The following EPHB1 variants were observed in gnomAD, a reference collection of about 807,000 sequenced individuals.
EPHB1 encodes the protein EPH receptor B1.
Under a neutral mutation model 94.4 loss-of-function variants are expected in EPHB1, and 30 were observed. That is an observed-to-expected ratio of 0.32 (90% CI 0.24 to 0.43). EPHB1 has a LOEUF of 0.43. Among genes scored for constraint, EPHB1 ranks in the 20% least tolerant of loss-of-function variants. The pLI is 1.00. For missense variants in EPHB1, 1,055 were observed against 1,308.3 expected (o/e 0.81, Z 2.99); for synonymous variants, 522 against 489.1 (o/e 1.07, Z -0.89).
intron 2 of EPHB1, among the ~76,000 whole-genome samples, chr3:134,943,976 C>T (rs2039171086): frequency 6.6e-6 from 1 of 152,132 alleles, no homozygotes; most frequent in Admixed American, 6.5e-5. Context: ...GCAATAAATT[C>T]ACTCATTTTA....
intron 3 of EPHB1, among the ~76,000 whole-genome samples, chr3:135,097,060 C>T (rs542196729): frequency 1.6e-4 from 22 of 141,206 alleles, no homozygotes; most frequent in South Asian, 8.9e-4. Context: ...CATGCCACTG[C>T]ACTCCAGCCT....
At chr3:134,863,665 A>C (rs1481173497) in intron 1 of EPHB1, among the ~76,000 whole-genome samples, 1 of 152,144 alleles carries the variant, frequency 6.6e-6, no homozygotes, top group Non-Finnish European at 1.5e-5. Flanking sequence ...GAAATTCAAC[A>C]TTTTTTCATT....
chr3:135,174,065 T>A (rs4894253), intron 9 of EPHB1, among the ~76,000 whole-genome samples: 94,101 of 152,006 alleles, frequency 0.62, 29,186 homozygotes, highest in East Asian at 0.71. Context: ...CACCTGAATT[T>A]GTATTACATA....
intron 1 of EPHB1, among the ~76,000 whole-genome samples, chr3:134,843,406 T>A (rs2036812778): frequency 6.6e-6 from 1 of 152,244 alleles, no homozygotes; most frequent in Non-Finnish European, 1.5e-5. Context: ...TTTTTGGACT[T>A]GTGCAGATTG....
intron 2 of EPHB1, among the ~76,000 whole-genome samples, chr3:134,927,977 T>G (rs1368968483): frequency 1.3e-5 from 2 of 152,208 alleles, no homozygotes; most frequent in South Asian, 2.1e-4. Flanking sequence ...CTTGTCTGTT[T>G]CCTCTGTGCT....
At chr3:135,033,589 G>A (rs563423596) in intron 3 of EPHB1, among the ~76,000 whole-genome samples, 1 of 152,320 alleles carries the variant, frequency 6.6e-6, no homozygotes, top group African/African-American at 2.4e-5. Flanking sequence ...GCTGTGCACA[G>A]GCATAGCACT....
rs561694276 is a variant in EPHB1 at position 135,249,141 on chromosome 3, G to C, written c.2691-195G>C. On this transcript the variant is annotated intron_variant, in intron 14 of 15. Coordinates refer to ENST00000398015, the MANE Select transcript of EPHB1 (RefSeq NM_004441.5). ...AACTGTGACAGTGCCCAGAGGCAGA[G>C]ACACTGGCCACCTGGATGTAGAAGT... Among the ~76,000 whole-genome samples, 4 of 152,310 alleles carry C rather than the reference G, an allele frequency of 2.6e-5. No individual in the cohort carries two copies. In the South Asian group the frequency reaches 8.3e-4, roughly 32 times the overall value.
chr3:134,869,652 C>G (rs192264283), intron 1 of EPHB1, among the ~76,000 whole-genome samples: 101 of 152,278 alleles, frequency 6.6e-4, no homozygotes, highest in Non-Finnish European at 1.2e-4. Flanking sequence ...CTTTAAGACT[C>G]TAAAGCAATT....
chr3:134,802,254 G>A (rs2035948472), intron 1 of EPHB1, among the ~76,000 whole-genome samples: 1 of 150,936 alleles, frequency 6.6e-6, no homozygotes, highest in Admixed American at 6.6e-5. Flanking sequence ...GGCTAACACA[G>A]TGAAACCCCA....
intron 5 of EPHB1, among the ~76,000 whole-genome samples, chr3:135,147,326 C>A (rs1021121422): frequency 4.6e-5 from 7 of 152,232 alleles, no homozygotes; most frequent in African/African-American, 1.4e-4. Flanking sequence ...TATGATCCAG[C>A]AGTTCCAATC....
At chr3:135,181,791 T>G (rs1050621252) in intron 10 of EPHB1, among the ~76,000 whole-genome samples, 1 of 151,536 alleles carries the variant, frequency 6.6e-6, no homozygotes, top group Non-Finnish European at 1.5e-5. Flanking sequence ...AAAAGGACAA[T>G]TGATAGTTCT....
At chr3:135,059,194 A>G (rs1937427590) in intron 3 of EPHB1, among the ~76,000 whole-genome samples, 1 of 152,182 alleles carries the variant, frequency 6.6e-6, no homozygotes, top group Admixed American at 6.5e-5. Context: ...CCCCTTCTCA[A>G]CAAGTTTACT....
At chr3:135,027,067 A>T (rs1936209665) in intron 3 of EPHB1, among the ~76,000 whole-genome samples, 1 of 144,678 alleles carries the variant, frequency 6.9e-6, no homozygotes. Flanking sequence ...TTGATTTTGT[A>T]TCCTGAGACT....
chr3:135,188,300 G>A (rs532817122), intron 10 of EPHB1, among the ~76,000 whole-genome samples: 9 of 152,064 alleles, frequency 5.9e-5, no homozygotes, highest in Non-Finnish European at 1.2e-4. Context: ...TTCAAGACCA[G>A]CCTGGCCAAC....
Position 135,189,016 on chromosome 3 carries a change from A to G in EPHB1, c.1883-3560A>G, listed in dbSNP as rs1035729236. Among the ~76,000 whole-genome samples the G allele has an allele frequency of 3.3e-5, 5 of 152,232 alleles. No individual in the cohort carries two copies. The South Asian group carries it at 6.2e-4, about 19-fold the overall frequency. On this transcript the variant is annotated intron_variant, in intron 10 of 15. Transcript: ENST00000398015. ...CCACCATGCCCTACCCAAAGAAGGC[A>G]TGTTTATATTTTATAATTTTTAAAA...
intron 9 of EPHB1, among the ~76,000 whole-genome samples, chr3:135,174,504 C>T (rs1941917676): frequency 6.6e-6 from 1 of 152,224 alleles, no homozygotes; most frequent in African/African-American, 2.4e-5. Context: ...CTCTGCAGCA[C>T]TTGCAACCCA....
intron 3 of EPHB1, among the ~76,000 whole-genome samples, chr3:135,078,871 G>A (rs539408759): frequency 7.9e-5 from 12 of 152,296 alleles, no homozygotes; most frequent in South Asian, 2.1e-4. Context: ...AGAACTTTGC[G>A]TAGAACTTGG....
At chr3:135,120,837 T>C (rs933350734) in intron 4 of EPHB1, among the ~76,000 whole-genome samples, 6 of 152,150 alleles carry the variant, frequency 3.9e-5, no homozygotes, top group African/African-American at 9.7e-5. Flanking sequence ...TAGAAAAAGA[T>C]GGAAAATTAT....
Position 135,106,479 on chromosome 3 carries a change from G to C in EPHB1, c.837G>C (p.Gln279His), listed in dbSNP as rs770155104. 6.2e-7 allele frequency: 1 copy of C among 1,614,030 alleles called. No homozygotes were observed. The highest frequency in any genetic ancestry group is 1.1e-5 in the South Asian group (1 of 91,082). The change falls in exon 4 of 16, where the codon CAG becomes CAC. Residue 279 changes from glutamine to histidine, a missense_variant. Gln to His is a conservative substitution (Grantham distance 24). Coordinates refer to ENST00000398015, the MANE Select transcript of EPHB1 (RefSeq NM_004441.5). Reference protein sequence around the residue: ...ACPAGTFKASQEAEGCSHCPS... With the variant: ...ACPAGTFKASHEAEGCSHCPS... ...CTGCAGGGACATTCAAGGCCAGCCA[G>C]GAAGCTGAAGGCTGCTCCCACTGCC...
Sources: allele counts gnomAD v4.1 joint callset (sites outside exome capture counted in the v4.1 genomes callset), GRCh38; gene constraint gnomAD v4.1.1; transcripts MANE v1.5; gene names NCBI Gene and HGNC (gene_info 2026-07-23, HGNC 2026-07-21).